Variants in FILIP1 observed in about 807,000 individuals in gnomAD.
FILIP1 encodes the protein filamin A interacting protein 1, also known as filamin-A-interacting protein 1.
Under a neutral mutation model 102.1 loss-of-function variants are expected in FILIP1, and 61 were observed. The observed-to-expected ratio is 0.60, with a 90% CI of 0.49 to 0.74. The LOEUF is 0.74. Ranked by LOEUF, FILIP1 falls within the 30% of genes least tolerant of loss-of-function variation. The pLI, the probability that FILIP1 is intolerant of heterozygous loss-of-function variation, is 0.00. For missense variants in FILIP1, 1,314 were observed against 1,441.2 expected (o/e 0.91, Z 1.43); for synonymous variants, 491 against 526.9 (o/e 0.93, Z 0.93).
chr6:75,439,058 C>G (rs920002955), intron 1 of FILIP1, among the ~76,000 whole-genome samples: 2 of 152,232 alleles, frequency 1.3e-5, no homozygotes, highest in African/African-American at 4.8e-5. Context: ...GTCTCCAGAT[C>G]TTTGAATTCA....
intron 6 of FILIP1, among the ~76,000 whole-genome samples, chr6:75,298,211 T>C (rs1298429071): frequency 3.3e-5 from 5 of 152,270 alleles, no homozygotes; most frequent in Non-Finnish European, 5.9e-5. Context: ...ATTTAATTAC[T>C]GTATTTAAAT....
chr6:75,380,015 G>A (rs367634612), intron 2 of FILIP1, among the ~76,000 whole-genome samples: 16 of 152,218 alleles, frequency 1.1e-4, no homozygotes, highest in East Asian at 5.8e-4. Flanking sequence ...ATTTGTTTAT[G>A]CTTTATCCCC....
At chr6:75,307,964 G>A (rs1773041049), downstream of FILIP1, 1 of 857,642 alleles carries the variant, frequency 1.2e-6, no homozygotes, top group South Asian at 5.4e-5. Flanking sequence ...CACTTGAATA[G>A]AGCACGAGTC....
chr6:75,408,219 C>A (rs1422892994), intron 2 of FILIP1, among the ~76,000 whole-genome samples: 3 of 152,232 alleles, frequency 2.0e-5, no homozygotes, highest in Non-Finnish European at 4.4e-5. Context: ...ATCCCAGCTA[C>A]TTCACGCAGG....
chr6:75,348,222 G>A (rs1485712091), intron 4 of FILIP1, among the ~76,000 whole-genome samples: 1 of 152,126 alleles, frequency 6.6e-6, no homozygotes, highest in Non-Finnish European at 1.5e-5. Flanking sequence ...TGCAGTTCAG[G>A]CAGAAAGTAA....
At chr6:75,332,323 T>C (rs1774110786) in intron 4 of FILIP1, among the ~76,000 whole-genome samples, 1 of 152,220 alleles carries the variant, frequency 6.6e-6, no homozygotes, top group Admixed American at 6.5e-5. Flanking sequence ...TGAAATACTT[T>C]TAAAATAAGA....
At chr6:75,306,917 C>T (rs1012363465), downstream of FILIP1, among the ~76,000 whole-genome samples, 10 of 151,886 alleles carry the variant, frequency 6.6e-5, no homozygotes, top group South Asian at 2.1e-4. Flanking sequence ...ATTCTCCTGC[C>T]TCAGCCTCCT....
intron 4 of FILIP1, among the ~76,000 whole-genome samples, chr6:75,353,027 T>TGG (rs1390968784): frequency 9.0e-6 from 1 of 110,592 alleles, no homozygotes; most frequent in Non-Finnish European, 1.8e-5. Context: ...TTACACGGGG[T>TGG]GGGGAATATC....
chr6:75,325,982 A>C (rs1773834505), intron 4 of FILIP1, among the ~76,000 whole-genome samples: 1 of 152,220 alleles, frequency 6.6e-6, no homozygotes, highest in Non-Finnish European at 1.5e-5. Flanking sequence ...TGTAACTCGC[A>C]ACTGCAAAAA....
At chr6:75,438,495 G>A (rs1289274871) in intron 1 of FILIP1, among the ~76,000 whole-genome samples, 1 of 152,142 alleles carries the variant, frequency 6.6e-6, no homozygotes, top group African/African-American at 2.4e-5. Context: ...TGGTGTAACT[G>A]CCATGTCTTT....
chr6:75,400,644 G>A (rs1776625007), intron 2 of FILIP1, among the ~76,000 whole-genome samples: 1 of 152,044 alleles, frequency 6.6e-6, no homozygotes, highest in Non-Finnish European at 1.5e-5. Flanking sequence ...CAGGAGCTTT[G>A]ATCAATCTAG....
chr6:75,474,755 T>C (rs1779425639), intron 1 of FILIP1, among the ~76,000 whole-genome samples: 1 of 152,160 alleles, frequency 6.6e-6, no homozygotes, highest in South Asian at 2.1e-4. Context: ...AATCTCATAT[T>C]AAATTGTAAT....
intron 1 of FILIP1, among the ~76,000 whole-genome samples, chr6:75,418,988 T>TC (rs942257603): frequency 2.6e-4 from 40 of 151,422 alleles, no homozygotes; most frequent in African/African-American, 8.5e-4. Context: ...TTCATCTGCG[T>TC]CCCCCCCACC....
intron 1 of FILIP1, among the ~76,000 whole-genome samples, chr6:75,465,814 C>G (rs2149756863): frequency 6.6e-6 from 1 of 152,274 alleles, no homozygotes; most frequent in South Asian, 2.1e-4. Flanking sequence ...AGATCATGCT[C>G]CTTCTCTGCT....
At chr6:75,390,833 G>A (rs1158384136) in intron 2 of FILIP1, among the ~76,000 whole-genome samples, 3 of 151,928 alleles carry the variant, frequency 2.0e-5, no homozygotes, top group Non-Finnish European at 2.9e-5. Flanking sequence ...TTTTGCCTCT[G>A]GATTGCTGTT....
chr6:75,415,556 C>G (rs1284699547), intron 1 of FILIP1, among the ~76,000 whole-genome samples: 1 of 133,002 alleles, frequency 7.5e-6, no homozygotes, highest in African/African-American at 2.8e-5. Flanking sequence ...AAAAAAAAAG[C>G]CCACATAGGG....
intron 4 of FILIP1, among the ~76,000 whole-genome samples, chr6:75,323,555 C>G (rs949231791): frequency 6.6e-6 from 1 of 152,108 alleles, no homozygotes; most frequent in Non-Finnish European, 1.5e-5. Flanking sequence ...GAGAAGGGAG[C>G]TGACATTTCA....
chr6:75,316,311 G>T lies in FILIP1; in HGVS notation c.630-1109C>A, dbSNP rs1773444510. 2.6e-5 allele frequency among the ~76,000 whole-genome samples: 4 copies of T among 152,076 alleles called. No individual in the cohort carries two copies. In the South Asian group the frequency reaches 8.3e-4, roughly 31 times the overall value. ...TTTAGTAATTAATAGGTTTATAAGG[G>T]AAGCAAGTTATAAACAACCAATGAC... On this transcript the variant is annotated intron_variant, in intron 4 of 5. Coordinates refer to ENST00000237172, the MANE Select transcript of FILIP1 (RefSeq NM_015687.5).
At position 75,312,640 on chromosome 6, in the gene FILIP1, G is replaced by T. The variant is rs769125046; in HGVS notation, c.3192C>A (p.Asp1064Glu). Residue 1064 changes from aspartate (D) to glutamate (E), a missense_variant, in exon 5 of 6, where the codon GAC (aspartate) becomes GAA (glutamate). By Grantham distance (45) the Asp-to-Glu change is conservative. Coordinates refer to ENST00000237172, the MANE Select transcript of FILIP1 (RefSeq NM_015687.5). ...ACCCTAAGTGAATGTGAATTTTATT[G>T]TCCTCTGTGGTTATGATATTGGCAT... Reference protein sequence around the residue: ...NSNANIITTEDNKIHIHLGSQ... With the variant: ...NSNANIITTEENKIHIHLGSQ... 4 of 1,614,068 alleles carry T rather than the reference G, an allele frequency of 2.5e-6. No homozygotes were observed. Among genetic ancestry groups the T allele is most frequent in the Admixed American group, 3.3e-5 (2 of 60,002 alleles).
Sources: gnomAD v4.1 joint callset for allele counts (sites outside exome capture counted in the v4.1 genomes callset) on GRCh38, gnomAD v4.1.1 for gene constraint, MANE v1.5 for transcripts, NCBI Gene and HGNC (gene_info 2026-07-23, HGNC 2026-07-21) for gene names.